Variants in NSMAF observed in about 807,000 individuals in gnomAD.
The protein encoded by NSMAF is protein FAN.
A neutral mutation model predicts 134.9 loss-of-function variants in NSMAF; 90 were observed. The observed-to-expected ratio is 0.67, with a 90% confidence interval of 0.56 to 0.79. The LOEUF is 0.79. NSMAF is among the 30% of genes least tolerant of loss of function. The pLI, the probability that NSMAF is intolerant of heterozygous loss-of-function variation, is 0.00. For missense variants in NSMAF, 1,010 were observed against 1,119.0 expected (o/e 0.90, Z 1.39); for synonymous variants, 358 against 389.6 (o/e 0.92, Z 0.96).
At chr8:58,638,128 C>A (rs1485713219) in intron 2 of NSMAF, among the ~76,000 whole-genome samples, 2 of 152,192 alleles carry the variant, frequency 1.3e-5, no homozygotes, top group African/African-American at 4.8e-5. Flanking sequence ...TAGCTCACTG[C>A]AGCCTCAAAA....
chr8:58,612,363 G>A (rs139776887), intron 9 of NSMAF, among the ~76,000 whole-genome samples: 2 of 152,112 alleles, frequency 1.3e-5, no homozygotes, highest in Non-Finnish European at 2.9e-5. Flanking sequence ...GTGCCAGGAG[G>A]GTGATGTACC....
chr8:58,632,819 T>A (rs116639554), intron 5 of NSMAF, among the ~76,000 whole-genome samples: 2,488 of 152,300 alleles, frequency 0.016, 71 homozygotes, highest in African/African-American at 0.057. Context: ...TCTCACATCC[T>A]ACTTGAAGCC....
At chr8:58,585,551 G>C in intron 30 of NSMAF, 101 bp downstream of exon 30, 1 of 795,736 alleles carries the variant, frequency 1.3e-6, no homozygotes. Flanking sequence ...AAAAACCATG[G>C]GTGTTTTTTG....
chr8:58,607,736 A>G (rs1472532581), intron 11 of NSMAF, 33 bp downstream of exon 11: 2 of 1,559,186 alleles, frequency 1.3e-6, no homozygotes, highest in East Asian at 4.5e-5. Context: ...AAGTGTGACA[A>G]TCATGCCCCA....
chr8:58,595,194 G>A (rs1330455575), intron 22 of NSMAF, among the ~76,000 whole-genome samples: 2 of 152,134 alleles, frequency 1.3e-5, no homozygotes, highest in African/African-American at 4.8e-5. Context: ...CCTACATTAT[G>A]TGTAAATCCA....
Position 58,623,108 on chromosome 8 carries a change from AG to A in NSMAF, c.557+111del, listed in dbSNP as rs1194163122. Reference sequence around the variant, plus strand: ...TGAGGCTGAGCCATTCTCTAAGACAAGCAGGTTTTGGGTGAGACCAATGATG... The same window carrying A: ...TGAGGCTGAGCCATTCTCTAAGACAACAGGTTTTGGGTGAGACCAATGATG... On this transcript the variant is annotated intron_variant, in intron 9 of 30. Coordinates refer to ENST00000038176, the MANE Select transcript of NSMAF (RefSeq NM_003580.4). The A allele has an allele frequency of 2.4e-5, 19 of 787,746 alleles. No homozygotes were observed. In the African/African-American group the frequency reaches 3.3e-4, roughly 14 times the overall value. The allele number at this position is 787,746 out of a possible 1,614,324, so 48.8% of individuals were successfully genotyped here.
rs944019197 is a variant in NSMAF, at chr8:58,592,340, GA to G, written c.1952-1407del. ...AAAATGGAAAAAGAAAATAATAAAA[GA>G]AAAAAAAAGACGTTTTTCTTGAAAT... On this transcript the variant is annotated intron_variant, in intron 23 of 30. Transcript: ENST00000038176. Among the ~76,000 whole-genome samples, 415 of 150,714 alleles carry G rather than the reference GA, an allele frequency of 2.8e-3. 2 individuals are homozygous for G. Among genetic ancestry groups the G allele is most frequent in the African/African-American group, 9.3e-3 (383 of 41,144 alleles).
intron 21 of NSMAF, chr8:58,595,915 C>T (rs924460158): frequency 3.7e-5 from 11 of 300,626 alleles, no homozygotes; most frequent in African/African-American, 8.6e-5. Context: ...AGTTTTCACT[C>T]GGCCTCTAAC....
chr8:58,606,237 A>G (rs1806410324), intron 11 of NSMAF, among the ~76,000 whole-genome samples: 1 of 152,186 alleles, frequency 6.6e-6, no homozygotes, highest in African/African-American at 2.4e-5. Context: ...TGTTGTATTT[A>G]TAAATGTTTT....
Position 58,590,858 on chromosome 8 carries a change from T to C in NSMAF, c.2019+9A>G. The C allele has an allele frequency of 1.9e-6, 3 of 1,554,588 alleles. No individual in the cohort carries two copies. The highest frequency in any genetic ancestry group is 2.6e-6 in the Non-Finnish European group (3 of 1,134,472). Reference sequence around the variant, plus strand: ...GATTTCTATCATAATACTATTAAAATGAACTCACCATATTTGAAAATGATA... The same window carrying C: ...GATTTCTATCATAATACTATTAAAACGAACTCACCATATTTGAAAATGATA... On this transcript the variant is annotated intron_variant, in intron 24 of 30. Transcript: ENST00000038176.
intron 12 of NSMAF, among the ~76,000 whole-genome samples, chr8:58,604,622 T>C (rs1476774285): frequency 6.6e-6 from 1 of 151,496 alleles, no homozygotes; most frequent in Non-Finnish European, 1.5e-5. Context: ...GTATTCCTCC[T>C]TGAAGTAAAA....
chr8:58,590,991 T>A, intron 23 of NSMAF, 57 bp from the exon 24 acceptor site: 1 of 1,512,350 alleles, frequency 6.6e-7, no homozygotes, highest in Non-Finnish European at 9.0e-7. Context: ...ATTACAGACG[T>A]CAAAGAACAG....
chr8:58,607,168 T>A (rs559184806), intron 11 of NSMAF, among the ~76,000 whole-genome samples: 205 of 152,348 alleles, frequency 1.3e-3, no homozygotes, highest in African/African-American at 4.5e-3. Flanking sequence ...TCTATTGGTG[T>A]CGAATTAAAA....
intron 25 of NSMAF, 169 bp downstream of exon 25, chr8:58,589,838 A>C (rs1563522945): frequency 3.3e-6 from 2 of 606,552 alleles, no homozygotes; most frequent in Non-Finnish European, 5.5e-6. Context: ...TATTCAATCT[A>C]AGCAATCATA....
chr8:58,633,412 A>G (rs1807101062), intron 5 of NSMAF, among the ~76,000 whole-genome samples: 1 of 152,226 alleles, frequency 6.6e-6, no homozygotes, highest in Admixed American at 6.5e-5. Flanking sequence ...GCCTCTTCTC[A>G]GTGAGGCATC....
At chr8:58,623,089 T>G (rs1350636217) in intron 9 of NSMAF, 131 bp downstream of exon 9, 1 of 700,424 alleles carries the variant, frequency 1.4e-6, no homozygotes, top group African/African-American at 1.8e-5. Flanking sequence ...GCACTGAGGC[T>G]GAGCCATTCT....
rs138530641 is a variant in NSMAF, at chr8:58,586,523, G to A, written c.2381C>T (p.Thr794Met). 124 of 1,613,666 alleles carry A rather than the reference G, an allele frequency of 7.7e-5. No homozygotes were observed. The highest frequency in any genetic ancestry group is 6.6e-4 in the Middle Eastern group (4 of 6,084). ...EGTVNIWDLT[T>M]ATLMHQIPCH... ...TGGAATCTGGTGCATTAAGGTGGCCGTTGTGAGGTCCCAAATATTCACTGT... is the reference window on the plus strand; with the variant it reads ...TGGAATCTGGTGCATTAAGGTGGCCATTGTGAGGTCCCAAATATTCACTGT... The change falls in exon 28 of 31, where the codon ACG becomes ATG. Residue 794 changes from threonine to methionine, a missense_variant. Coordinates refer to ENST00000038176, the MANE Select transcript of NSMAF (RefSeq NM_003580.4).
chr8:58,624,203 G>A lies in NSMAF; in HGVS notation c.385-423C>T, dbSNP rs569490836. Among the ~76,000 whole-genome samples the A allele has an allele frequency of 6.6e-5, 10 of 151,930 alleles. 1 individual carries two copies. The Middle Eastern group carries it at 0.017, about 258-fold the overall frequency. On this transcript the variant is annotated intron_variant, in intron 6 of 30. Coordinates refer to ENST00000038176, the MANE Select transcript of NSMAF (RefSeq NM_003580.4). ...GCTAGAGGTGTGCACCACCGCACCC[G>A]GCTAATTTTTGTATTTTTAGTAGAG... is the stretch of plus-strand genomic sequence containing the variant.
At chr8:58,633,207 C>T (rs1807095934) in intron 5 of NSMAF, among the ~76,000 whole-genome samples, 1 of 152,232 alleles carries the variant, frequency 6.6e-6, no homozygotes, top group Non-Finnish European at 1.5e-5. Flanking sequence ...ACGGTCCCTG[C>T]CCCTATTCCA....
Sources: gnomAD v4.1 joint callset for allele counts (sites outside exome capture counted in the v4.1 genomes callset) on GRCh38, gnomAD v4.1.1 for gene constraint, MANE v1.5 for transcripts, NCBI Gene and HGNC (gene_info 2026-07-23, HGNC 2026-07-21) for gene names.